The following CTNNA3 variants were observed in gnomAD, a reference collection of about 807,000 sequenced individuals.
The protein encoded by CTNNA3 is catenin alpha 3.
A neutral mutation model predicts 95.7 loss-of-function variants in CTNNA3; 76 were observed. The observed-to-expected ratio is 0.79, with a 90% CI of 0.66 to 0.96. CTNNA3 has a LOEUF of 0.96. Ranked by LOEUF, CTNNA3 falls within the 40% of genes least tolerant of loss-of-function variation. The pLI, the probability that CTNNA3 is intolerant of heterozygous loss-of-function variation, is 0.00. For synonymous variants in CTNNA3, 431 were observed against 374.4 expected, an observed-to-expected ratio of 1.15 and a Z score of -1.74; for missense variants, 1,191 against 1,089.8, an observed-to-expected ratio of 1.09 and a Z score of -1.31.
chr10:66,569,880 G>T (rs1004120822), intron 10 of CTNNA3, among the ~76,000 whole-genome samples: 4 of 152,128 alleles, frequency 2.6e-5, no homozygotes, highest in African/African-American at 9.7e-5. Context: ...GATTCAAAAG[G>T]CAGAGCCATT....
At chr10:66,228,737 G>A (rs1257211911) in intron 13 of CTNNA3, among the ~76,000 whole-genome samples, 2 of 151,948 alleles carry the variant, frequency 1.3e-5, no homozygotes, top group Non-Finnish European at 2.9e-5. Flanking sequence ...TGTTGAGAGT[G>A]GGTTGCTGAA....
At chr10:66,050,888 C>T (rs1013490916) in intron 15 of CTNNA3, among the ~76,000 whole-genome samples, 13 of 151,570 alleles carry the variant, frequency 8.6e-5, no homozygotes, top group African/African-American at 3.1e-4. Context: ...GGGTCTTGTT[C>T]TTTCGCCCAG....
At chr10:67,736,617 G>A (rs112032613) in intron 1 of CTNNA3, among the ~76,000 whole-genome samples, 16,316 of 151,736 alleles carry the variant, frequency 0.11, 1,167 homozygotes, top group African/African-American at 0.21. Context: ...CATCACGCCT[G>A]GCTAATTTTT....
intron 7 of CTNNA3, among the ~76,000 whole-genome samples, chr10:67,004,547 C>CT (rs200806044): frequency 2.9e-4 from 44 of 151,326 alleles, no homozygotes; most frequent in African/African-American, 8.7e-4. Context: ...ATATTTGTGG[C>CT]TTTTTTTTTC....
chr10:67,659,371 A>C (rs1197063726), intron 1 of CTNNA3, among the ~76,000 whole-genome samples: 1 of 152,214 alleles, frequency 6.6e-6, no homozygotes, highest in South Asian at 2.1e-4. Flanking sequence ...GTTCATACTA[A>C]AAGCTCACCA....
intron 5 of CTNNA3, among the ~76,000 whole-genome samples, chr10:67,471,016 A>G (rs1446221114): frequency 6.6e-6 from 1 of 151,990 alleles, no homozygotes; most frequent in Non-Finnish European, 1.5e-5. Flanking sequence ...AGGTTTCACC[A>G]TGTCGGCCAG....
intron 7 of CTNNA3, among the ~76,000 whole-genome samples, chr10:66,800,382 G>T (rs750319882): frequency 6.0e-5 from 9 of 150,940 alleles, no homozygotes; most frequent in Non-Finnish European, 1.2e-4. Context: ...TTCAGTTAAT[G>T]ATCTAGTTTA....
intron 10 of CTNNA3, among the ~76,000 whole-genome samples, chr10:66,608,390 T>A (rs1224803316): frequency 6.6e-6 from 1 of 152,092 alleles, no homozygotes; most frequent in East Asian, 1.9e-4. Flanking sequence ...ATTTATAGAT[T>A]CAATGCTATT....
intron 2 of CTNNA3, among the ~76,000 whole-genome samples, chr10:67,630,201 T>C (rs1589509124): frequency 6.6e-6 from 1 of 152,174 alleles, no homozygotes; most frequent in African/African-American, 2.4e-5. Context: ...AATGTAATAG[T>C]TATTAAGGCT....
intron 7 of CTNNA3, among the ~76,000 whole-genome samples, chr10:66,954,443 A>T (rs1419033003): frequency 6.6e-6 from 1 of 152,144 alleles, no homozygotes; most frequent in East Asian, 1.9e-4. Flanking sequence ...CATTCAGGCA[A>T]AGGCAAGGCT....
At chr10:67,124,333 GGTGTGTGTGTGTGTGTGTGTGTGT>G (rs141981196) in intron 7 of CTNNA3, among the ~76,000 whole-genome samples, 1 of 141,768 alleles carries the variant, frequency 7.1e-6, no homozygotes, top group Non-Finnish European at 1.5e-5. Context: ...GTGTGTTAGC[GGTGTGTGTGTGTGTGTGTGTGTGT>G]GTGTGTGTGT....
At chr10:66,910,926 T>A (rs533596676) in intron 7 of CTNNA3, among the ~76,000 whole-genome samples, 1 of 152,324 alleles carries the variant, frequency 6.6e-6, no homozygotes, top group South Asian at 2.1e-4. Context: ...CAATTTTAGA[T>A]AGTATATTGG....
At chr10:66,070,208 G>A (rs2080406723) in intron 14 of CTNNA3, among the ~76,000 whole-genome samples, 1 of 152,144 alleles carries the variant, frequency 6.6e-6, no homozygotes, top group Non-Finnish European at 1.5e-5. Flanking sequence ...GTAGTTTGTA[G>A]TTTCTTTTCT....
At chr10:67,286,130 T>C (rs553247584) in intron 5 of CTNNA3, among the ~76,000 whole-genome samples, 1 of 152,176 alleles carries the variant, frequency 6.6e-6, no homozygotes, top group Admixed American at 6.5e-5. Flanking sequence ...TGTGGCAACA[T>C]TTATCCTTCC....
chr10:66,812,909 C>T (rs116551203), intron 7 of CTNNA3, among the ~76,000 whole-genome samples: 11 of 152,204 alleles, frequency 7.2e-5, no homozygotes, highest in African/African-American at 2.6e-4. Context: ...TTGTACATAT[C>T]CTCTTGAATA....
intron 10 of CTNNA3, among the ~76,000 whole-genome samples, chr10:66,528,303 A>G (rs1421739061): frequency 1.3e-5 from 2 of 152,138 alleles, no homozygotes; most frequent in East Asian, 1.9e-4. Flanking sequence ...AGACCTCAAC[A>G]TGCTTCAGGC....
At position 67,552,593 on chromosome 10, in the gene CTNNA3, T is replaced by C. The variant is rs993988739; in HGVS notation, c.293-12924A>G. On this transcript the variant is annotated intron_variant, in intron 3 of 17. Coordinates refer to ENST00000433211, the MANE Select transcript of CTNNA3 (RefSeq NM_013266.4). ...CAGGTAAATGTGTACCATGGTGGTT[T>C]GCTGCATAGATCATCCCATCACCTA... is the stretch of plus-strand genomic sequence containing the variant. 2.0e-5 allele frequency among the ~76,000 whole-genome samples: 3 copies of C among 152,084 alleles called. No individual in the cohort carries two copies. The East Asian group carries it at 5.8e-4, about 29-fold the overall frequency.
chr10:66,470,008 T>C (rs947443198), intron 11 of CTNNA3, among the ~76,000 whole-genome samples: 15 of 151,992 alleles, frequency 9.9e-5, no homozygotes, highest in African/African-American at 3.6e-4. Flanking sequence ...GACTTGTGCA[T>C]GTTTAAAATA....
At chr10:66,854,586 G>A (rs1022059831) in intron 7 of CTNNA3, among the ~76,000 whole-genome samples, 1 of 151,908 alleles carries the variant, frequency 6.6e-6, no homozygotes, top group Non-Finnish European at 1.5e-5. Flanking sequence ...GGAAGATCCA[G>A]GAGGAATTTA....
Sources: allele counts gnomAD v4.1 joint callset (sites outside exome capture counted in the v4.1 genomes callset), GRCh38; gene constraint gnomAD v4.1.1; transcripts MANE v1.5; gene names NCBI Gene and HGNC (gene_info 2026-07-23, HGNC 2026-07-21).